The following KIAA1549L variants were observed in gnomAD, a reference collection of about 807,000 sequenced individuals.
The protein encoded by KIAA1549L is UPF0606 protein KIAA1549L.
In KIAA1549L, 88 loss-of-function variants were observed where a neutral mutation model predicts 160.7. The ratio of observed to expected loss-of-function variants is 0.55; its 90% CI spans 0.46 to 0.65. KIAA1549L has a LOEUF of 0.65. KIAA1549L is among the 30% of genes least tolerant of loss of function. KIAA1549L has a pLI of 0.00. For synonymous variants in KIAA1549L, 950 were observed against 976.7 expected (o/e 0.97, Z 0.51); for missense variants, 2,258 against 2,437.5 (o/e 0.93, Z 1.55).
intron 16 of KIAA1549L, among the ~76,000 whole-genome samples, chr11:33,641,551 C>A (rs1851579115): frequency 1.1e-5 from 1 of 94,416 alleles, no homozygotes; most frequent in Admixed American, 1.1e-4. Context: ...GAGCCCACAA[C>A]TATAGTATGG....
intron 19 of KIAA1549L, 31 bp from the exon 20 acceptor site, chr11:33,660,830 CTT>C (rs1332672898): frequency 3.7e-6 from 6 of 1,610,340 alleles, no homozygotes; most frequent in Admixed American, 1.7e-5. Context: ...ACCAGCCTCT[CTT>C]AACCTCCCTC....
At chr11:33,624,840 G>A (rs139581776) in intron 16 of KIAA1549L, among the ~76,000 whole-genome samples, 5,975 of 149,322 alleles carry the variant, frequency 0.04, 410 homozygotes, top group African/African-American at 0.14. Context: ...CATGTGCCAT[G>A]CTGGTGCACT....
chr11:33,649,083 A>T (rs1049615562), intron 17 of KIAA1549L, among the ~76,000 whole-genome samples: 6 of 152,194 alleles, frequency 3.9e-5, no homozygotes, highest in African/African-American at 1.4e-4. Flanking sequence ...TAAATGGCAG[A>T]ACTGGAGTTA....
intron 12 of KIAA1549L, among the ~76,000 whole-genome samples, chr11:33,596,968 A>G (rs531359798): frequency 5.2e-4 from 79 of 152,330 alleles, no homozygotes; most frequent in Non-Finnish European, 9.3e-4. Context: ...TTGGGTAAAT[A>G]AAATAACATA....
At chr11:33,650,581 A>G (rs943606784) in intron 17 of KIAA1549L, among the ~76,000 whole-genome samples, 1 of 147,584 alleles carries the variant, frequency 6.8e-6, no homozygotes, top group Non-Finnish European at 1.5e-5. Context: ...CCTTGTTCCC[A>G]CCTTTTCTCG....
chr11:33,453,203 T>G (rs1565143615), intron 1 of KIAA1549L, among the ~76,000 whole-genome samples: 1 of 152,194 alleles, frequency 6.6e-6, no homozygotes, highest in Non-Finnish European at 1.5e-5. Flanking sequence ...ATTACAGAAC[T>G]GTGAAAATTT....
intron 1 of KIAA1549L, among the ~76,000 whole-genome samples, chr11:33,404,762 C>A (rs2134074337): frequency 6.6e-6 from 1 of 152,136 alleles, no homozygotes; most frequent in East Asian, 1.9e-4. Context: ...GTATTCCCAG[C>A]ACTTTGGGAG....
chr11:33,638,356 G>C (rs1851493226), intron 16 of KIAA1549L, among the ~76,000 whole-genome samples: 1 of 140,944 alleles, frequency 7.1e-6, no homozygotes, highest in Non-Finnish European at 1.5e-5. Flanking sequence ...TATTCAGTAT[G>C]TACTCTTTTG....
At position 33,542,218 on chromosome 11, in the gene KIAA1549L, C is replaced by A. The variant is rs1222409862; in HGVS notation, c.655C>A (p.Pro219Thr). ...AGGGACATCCTTCAGTGCTGTCCCC[C>A]CATCCCAGCCAGTATGGGCAGGGAC... The part of the protein sequence containing the change: ...PSGTSFSAVP[P>T]SQPVWAGTSS... The change falls in exon 2 of 21, where the codon CCA becomes ACA. Residue 219 changes from proline to threonine, a missense_variant. Around this residue, in one of 6 missense-constraint regions of KIAA1549L, gnomAD observed 540 missense variants for 465.7 expected, o/e 1.16. Coordinates refer to ENST00000658780, the MANE Select transcript of KIAA1549L (RefSeq NM_012194.3). The A allele has an allele frequency of 1.5e-6, 1 of 658,310 alleles. No individual in the cohort carries two copies. The highest frequency in any genetic ancestry group is 2.9e-5 in the East Asian group (1 of 34,506). 40.8% of individuals were successfully genotyped at this position (658,310 alleles called of 1,614,324 possible).
chr11:33,445,445 T>C (rs546966865), intron 1 of KIAA1549L, among the ~76,000 whole-genome samples: 1 of 152,212 alleles, frequency 6.6e-6, no homozygotes, highest in African/African-American at 2.4e-5. Flanking sequence ...TGAAATAATT[T>C]GTGTCGGTTA....
chr11:33,512,728 T>C (rs1853255956), intron 1 of KIAA1549L, among the ~76,000 whole-genome samples: 1 of 152,186 alleles, frequency 6.6e-6, no homozygotes, highest in Admixed American at 6.5e-5. Flanking sequence ...GCCCCTGCTC[T>C]AGGTAATATT....
chr11:33,397,333 CAAA>C (rs56097253), intron 1 of KIAA1549L, among the ~76,000 whole-genome samples: 2 of 135,074 alleles, frequency 1.5e-5, no homozygotes. Flanking sequence ...GACTCTGTGT[CAAA>C]AAAAAAAAAA....
chr11:33,601,163 AG>A (rs1850350560), intron 13 of KIAA1549L, among the ~76,000 whole-genome samples: 3 of 152,198 alleles, frequency 2.0e-5, no homozygotes, highest in African/African-American at 7.2e-5. Flanking sequence ...CCATCCTTCC[AG>A]GGTTAGAGTG....
At chr11:33,381,110 G>A (rs777779613) in intron 1 of KIAA1549L, among the ~76,000 whole-genome samples, 9 of 151,258 alleles carry the variant, frequency 6.0e-5, no homozygotes, top group African/African-American at 9.7e-5. Context: ...TGAAGATCTC[G>A]TTGAAATGTG....
chr11:33,584,304 G>A (rs1855741183), intron 11 of KIAA1549L, among the ~76,000 whole-genome samples: 3 of 152,200 alleles, frequency 2.0e-5, no homozygotes, highest in Non-Finnish European at 2.9e-5. Context: ...AGGCTCTCTG[G>A]AGCACATGCT....
intron 1 of KIAA1549L, among the ~76,000 whole-genome samples, chr11:33,479,050 G>C (rs992740863): frequency 6.6e-6 from 1 of 152,080 alleles, no homozygotes; most frequent in Admixed American, 6.6e-5. Context: ...AGGAGATGAA[G>C]ACATATATGG....
At position 33,536,808 on chromosome 11, in the gene KIAA1549L, C is replaced by T. The variant is rs7118946; in HGVS notation, c.239-4994C>T. Reference sequence around the variant, plus strand: ...CCATCTCCCATGCAGGGCTCAACTCCTCTTTACAACATTCCCGTCGTCTTG... The same window carrying T: ...CCATCTCCCATGCAGGGCTCAACTCTTCTTTACAACATTCCCGTCGTCTTG... On this transcript the variant is annotated intron_variant, in intron 1 of 20. Transcript: ENST00000658780. Among the ~76,000 whole-genome samples, 1,248 of 152,332 alleles carry T rather than the reference C, an allele frequency of 8.2e-3. 19 individuals carry two copies. Among genetic ancestry groups the T allele is most frequent in the African/African-American group, 0.027 (1,105 of 41,576 alleles).
intron 1 of KIAA1549L, among the ~76,000 whole-genome samples, chr11:33,377,398 A>G (rs1849978689): frequency 6.6e-6 from 1 of 152,186 alleles, no homozygotes; most frequent in South Asian, 2.1e-4. Context: ...TGCACCTTGC[A>G]AAGGGATGCA....
chr11:33,397,024 A>G (rs1224682230), intron 1 of KIAA1549L, among the ~76,000 whole-genome samples: 4 of 151,884 alleles, frequency 2.6e-5, no homozygotes, highest in Non-Finnish European at 5.9e-5. Flanking sequence ...ATTTTATCAT[A>G]ATTTGTTTAA....
Sources: allele counts gnomAD v4.1 joint callset (sites outside exome capture counted in the v4.1 genomes callset), GRCh38; gene constraint gnomAD v4.1.1; regional missense constraint gnomAD v4.1.1; transcripts MANE v1.5; gene names NCBI Gene and HGNC (gene_info 2026-07-23, HGNC 2026-07-21).